The following TBL1X variants were observed in gnomAD, a reference collection of about 807,000 sequenced individuals.
The protein encoded by TBL1X is F-box-like/WD repeat-containing protein TBL1X.
In TBL1X, 10 loss-of-function variants were observed where a neutral mutation model predicts 50.7. The ratio of observed to expected loss-of-function variants is 0.20; its 90% CI spans 0.12 to 0.33. TBL1X has a LOEUF of 0.33. Ranked by LOEUF, TBL1X falls within the 10% of genes least tolerant of loss-of-function variation. The pLI is 1.00. For missense variants in TBL1X, 340 were observed against 504.4 expected (o/e 0.67, Z 3.12); for synonymous variants, 190 against 214.7 (o/e 0.88, Z 1.01).
At chrX:9,649,286 G>A (rs1396388352) in intron 3 of TBL1X, among the ~76,000 whole-genome samples, 1 of 112,056 alleles carries the variant, frequency 8.9e-6, no homozygotes, top group Non-Finnish European at 1.9e-5. Context: ...GTTTGTTGGG[G>A]GAGAAAAGTT....
intron 2 of TBL1X, among the ~76,000 whole-genome samples, chrX:9,622,728 C>G (rs1446658316): frequency 1.8e-5 from 2 of 112,178 alleles, no homozygotes; most frequent in Admixed American, 9.4e-5. Context: ...TCTCGAACTC[C>G]TGGTCTCAAG....
chrX:9,684,254 C>T, intron 6 of TBL1X, 66 bp downstream of exon 6: 2 of 1,167,126 alleles, frequency 1.7e-6, no homozygotes, highest in Non-Finnish European at 1.2e-6. Context: ...GCTTGGAACA[C>T]ATTGGAAGCT....
intron 2 of TBL1X, among the ~76,000 whole-genome samples, chrX:9,550,069 G>A (rs910609569): frequency 9.0e-6 from 1 of 111,424 alleles, no homozygotes; most frequent in Non-Finnish European, 1.9e-5. Context: ...CAGTCACTCG[G>A]TGCCCGCCTG....
intron 16 of TBL1X, among the ~76,000 whole-genome samples, chrX:9,712,660 T>C: frequency 8.9e-6 from 1 of 111,813 alleles, no homozygotes; most frequent in South Asian, 3.7e-4. Context: ...TCAAAGTAGG[T>C]TCTGTTTGAG....
At chrX:9,615,142 C>A (rs1291669081) in intron 2 of TBL1X, among the ~76,000 whole-genome samples, 1 of 111,733 alleles carries the variant, frequency 8.9e-6, no homozygotes, top group African/African-American at 3.3e-5. Context: ...AATGCTTTAC[C>A]CCTTTTCTCC....
At chrX:9,583,297 C>A (rs1378992670) in intron 2 of TBL1X, among the ~76,000 whole-genome samples, 2 of 112,286 alleles carry the variant, frequency 1.8e-5, no homozygotes, top group Admixed American at 1.9e-4. Context: ...ATGCAATAAC[C>A]CAGAATACCT....
At chrX:9,566,006 T>A (rs1445462844) in intron 2 of TBL1X, among the ~76,000 whole-genome samples, 3 of 112,132 alleles carry the variant, frequency 2.7e-5, no homozygotes, top group Admixed American at 9.4e-5. Context: ...ACCTGCATTT[T>A]AAAAAAAATT....
intron 2 of TBL1X, among the ~76,000 whole-genome samples, chrX:9,556,541 G>C (rs1199735138): frequency 1.8e-5 from 2 of 109,112 alleles, no homozygotes; most frequent in Admixed American, 2.0e-4. Context: ...TGTAGTCCCA[G>C]CTACTTGGAG....
rs775969638 is a variant in TBL1X, at chrX:9,609,336, GGTGT to G, written c.-130-30902_-130-30899del. ...CATTTTGGTGGTGTGTTTTCTTCCAGGTGTGTGTGTGTGTGTGTGTGTGTGTGTG... is the reference window on the plus strand; with the variant it reads ...CATTTTGGTGGTGTGTTTTCTTCCAGGTGTGTGTGTGTGTGTGTGTGTGTG... On this transcript the variant is annotated intron_variant, in intron 2 of 17. Coordinates refer to ENST00000645353, the MANE Select transcript of TBL1X (RefSeq NM_005647.4). Among the ~76,000 whole-genome samples the G allele has an allele frequency of 1.5e-3, 140 of 94,712 alleles. 1 individual carries two copies. The highest frequency in any genetic ancestry group is 4.1e-3 in the South Asian group (8 of 1,975). 82.2% of individuals were successfully genotyped at this position (94,712 alleles called of 115,157 possible).
At chrX:9,696,574 A>G (rs886406672) in intron 11 of TBL1X, among the ~76,000 whole-genome samples, 4 of 112,673 alleles carry the variant, frequency 3.6e-5, no homozygotes, top group African/African-American at 6.4e-5. Context: ...CAACCTTTCT[A>G]CTTACTGTTA....
At chrX:9,629,635 C>T (rs2082710190) in intron 2 of TBL1X, among the ~76,000 whole-genome samples, 2 of 111,623 alleles carry the variant, frequency 1.8e-5, no homozygotes, top group Admixed American at 9.5e-5. Context: ...TATTAAAATG[C>T]CTGGCTCATG....
At chrX:9,532,574 C>G (rs1187925288) in intron 2 of TBL1X, among the ~76,000 whole-genome samples, 1 of 111,160 alleles carries the variant, frequency 9.0e-6, no homozygotes, top group Non-Finnish European at 1.9e-5. Context: ...CTGGGCTGCC[C>G]TAACGCAGCA....
intron 2 of TBL1X, among the ~76,000 whole-genome samples, chrX:9,533,309 G>T (rs755071312): frequency 9.0e-6 from 1 of 110,851 alleles, no homozygotes; most frequent in African/African-American, 3.3e-5. Flanking sequence ...CGCACCCTTC[G>T]GCCTGCTTTT....
At chrX:9,496,920 CTGATTTT>C (rs1049323155) in intron 1 of TBL1X, among the ~76,000 whole-genome samples, 3 of 112,146 alleles carry the variant, frequency 2.7e-5, no homozygotes, top group African/African-American at 9.7e-5. Flanking sequence ...CCTTTTCCTT[CTGATTTT>C]TGAGAGTGCT....
At chrX:9,464,139 GA>G (rs1315066731), upstream of TBL1X, among the ~76,000 whole-genome samples, 1 of 111,709 alleles carries the variant, frequency 9.0e-6, no homozygotes, top group Non-Finnish European at 1.9e-5. Flanking sequence ...CTGTTTAACT[GA>G]ATTAAGGCTG....
intron 2 of TBL1X, among the ~76,000 whole-genome samples, chrX:9,511,073 G>C (rs1489801852): frequency 8.9e-6 from 1 of 112,287 alleles, no homozygotes; most frequent in African/African-American, 3.2e-5. Flanking sequence ...TACAGGGATT[G>C]TGTGGCCCAC....
At chrX:9,663,675 C>A (rs894312739) in intron 5 of TBL1X, among the ~76,000 whole-genome samples, 1 of 107,804 alleles carries the variant, frequency 9.3e-6, no homozygotes, top group Non-Finnish European at 1.9e-5. Flanking sequence ...GCAGGAGAAA[C>A]GCTGGAACCC....
At chrX:9,470,380 G>A (rs1268874935) in intron 1 of TBL1X, among the ~76,000 whole-genome samples, 3 of 112,582 alleles carry the variant, frequency 2.7e-5, no homozygotes, top group Non-Finnish European at 5.6e-5. Flanking sequence ...TCAGCCTCCG[G>A]AGAAGCTGGG....
At chrX:9,594,466 A>G (rs1364770097) in intron 2 of TBL1X, among the ~76,000 whole-genome samples, 1 of 112,215 alleles carries the variant, frequency 8.9e-6, no homozygotes, top group Non-Finnish European at 1.9e-5. Context: ...TTTCTCCATG[A>G]AAATGTTTCA....
Sources: allele counts gnomAD v4.1 joint callset (sites outside exome capture counted in the v4.1 genomes callset), GRCh38; gene constraint gnomAD v4.1.1; transcripts MANE v1.5; gene names NCBI Gene and HGNC (gene_info 2026-07-23, HGNC 2026-07-21).